Variants in WBP1L observed in about 807,000 individuals in gnomAD.
WBP1L encodes WW domain binding protein 1 like.
WBP1L carries 17 observed loss-of-function variants against 33.7 expected under a neutral mutation model. The observed-to-expected ratio is 0.50, with a 90% CI of 0.34 to 0.76. The LOEUF is 0.76. Ranked by LOEUF, WBP1L falls within the 30% of genes least tolerant of loss-of-function variation. The probability of loss-of-function intolerance (pLI) is 0.01; values close to 1 mark genes in which losing one functional copy is unlikely to be tolerated. For synonymous variants in WBP1L, 173 were observed against 190.8 expected (o/e 0.91, Z 0.77); for missense variants, 389 against 469.4 (o/e 0.83, Z 1.58).
chr10:102,798,189 C>G lies in WBP1L; in HGVS notation c.193+94C>G, dbSNP rs1047701228. On this transcript the variant is annotated intron_variant, in intron 2 of 3. Coordinates refer to ENST00000448841, the MANE Select transcript of WBP1L (RefSeq NM_001083913.2). ...TCTGGGCATTAGCCCTTTTCGGATTCTCTTGGGGACAGTGTTGGTGAGTGG... is the reference window on the plus strand; with the variant it reads ...TCTGGGCATTAGCCCTTTTCGGATTGTCTTGGGGACAGTGTTGGTGAGTGG... The G allele has an allele frequency of 3.8e-6, 4 of 1,056,034 alleles. No individual in the cohort carries two copies. The African/African-American group carries it at 6.3e-5, about 17-fold the overall frequency. The allele number at this position is 1,056,034 out of a possible 1,614,324, so 65.4% of individuals were successfully genotyped here.
intron 1 of WBP1L, among the ~76,000 whole-genome samples, chr10:102,764,560 G>A (rs369557405): frequency 1.6e-4 from 25 of 152,246 alleles, no homozygotes; most frequent in African/African-American, 4.8e-4. Flanking sequence ...AGGGTTCAGC[G>A]TCCCCTGCAT....
At chr10:102,776,097 C>T (rs1177857748) in intron 1 of WBP1L, 6 of 985,314 alleles carry the variant, frequency 6.1e-6, no homozygotes, top group Middle Eastern at 1.0e-3. Flanking sequence ...TTTTCTGCTG[C>T]GCCTGAACTG....
chr10:102,770,111 C>T (rs1187819649), intron 1 of WBP1L, among the ~76,000 whole-genome samples: 5 of 152,152 alleles, frequency 3.3e-5, no homozygotes, highest in African/African-American at 4.8e-5. Context: ...GGGATTTATC[C>T]CCTTGCATTC....
intron 1 of WBP1L, among the ~76,000 whole-genome samples, chr10:102,776,960 A>G (rs763482168): frequency 6.6e-6 from 1 of 151,976 alleles, no homozygotes; most frequent in East Asian, 1.9e-4. Context: ...AGGGGTGTGG[A>G]ATTGACCCCA....
At chr10:102,808,364 TA>T (rs572509456) in intron 2 of WBP1L, among the ~76,000 whole-genome samples, 1,722 of 151,002 alleles carry the variant, frequency 0.011, 27 homozygotes, top group African/African-American at 0.04. Context: ...CCTCATTAAT[TA>T]AAAAAAAAAT....
Position 102,758,884 on chromosome 10 carries a change from C to T in WBP1L, c.90+14741C>T, listed in dbSNP as rs769702152. Among the ~76,000 whole-genome samples the T allele has an allele frequency of 1.1e-4, 16 of 152,326 alleles. No individual in the cohort carries two copies. The South Asian group carries it at 2.3e-3, about 22-fold the overall frequency. ...CAGAGCAGAGAGAGAAGGCAGCATA[C>T]GTCAGCGTTTTCTTCTCTGCACTTA... On this transcript the variant is annotated intron_variant, in intron 1 of 3. Transcript: ENST00000448841.
chr10:102,746,021 C>A, intron 1 of WBP1L: 1 of 390,234 alleles, frequency 2.6e-6, no homozygotes, highest in African/African-American at 2.2e-5. Context: ...AAAGGCTGTC[C>A]CCAGTAACCA....
At chr10:102,770,047 G>C (rs370688321) in intron 1 of WBP1L, among the ~76,000 whole-genome samples, 8 of 152,342 alleles carry the variant, frequency 5.3e-5, no homozygotes, top group East Asian at 1.9e-4. Flanking sequence ...AGTGTTCTTG[G>C]TTTCTAGCAG....
Position 102,776,307 on chromosome 10 carries a change from C to T in WBP1L, c.91-21686C>T, listed in dbSNP as rs1843261167. 2.5e-6 allele frequency: 4 copies of T among 1,612,894 alleles called. No homozygotes were observed. In the South Asian group the frequency reaches 4.4e-5, roughly 18 times the overall value. On this transcript the variant is annotated intron_variant, in intron 1 of 3. Transcript: ENST00000448841. ...GAACCAGGACCACCGCACACACAGG[C>T]CCACCAGGGGCAATGCTCATTCCAA...
rs1458610933 is a variant in WBP1L, at chr10:102,814,177, G to A, written c.*846G>A. The A allele has an allele frequency of 1.3e-5, 2 of 152,242 alleles. No homozygotes were observed. Among genetic ancestry groups the A allele is most frequent in the African/African-American group, 2.4e-5 (1 of 41,456 alleles). The allele number at this position is 152,242 out of a possible 1,614,324, so 9.4% of individuals were successfully genotyped here. A position where few individuals can be genotyped will look rare whatever the true frequency, so the allele number is the denominator to read the frequency against. ...AAGTTGGCCTTCAAAGAGCCTGCCT[G>A]CTGTTGAGCCAGAAGATGTCTCGTG... On this transcript the variant is annotated 3_prime_UTR_variant, in exon 4 of 4. Coordinates refer to ENST00000448841, the MANE Select transcript of WBP1L (RefSeq NM_001083913.2).
At chr10:102,760,379 T>TC (rs1201532084) in intron 1 of WBP1L, among the ~76,000 whole-genome samples, 326 of 88,072 alleles carry the variant, frequency 3.7e-3, no homozygotes, top group Admixed American at 1.1e-3. Flanking sequence ...TTTCTTTCTT[T>TC]TTTTTTTTTT....
intron 1 of WBP1L, among the ~76,000 whole-genome samples, chr10:102,754,957 CT>C (rs1223853909): frequency 1.0e-4 from 15 of 145,390 alleles, no homozygotes; most frequent in East Asian, 4.0e-4. Context: ...TACCTTTCAC[CT>C]TTTTTTTTTG....
In WBP1L at chr10:102,815,105, A is replaced by G. The variant is rs1843913981; in HGVS notation, c.*1774A>G. 1 of 152,480 alleles carries G rather than the reference A, an allele frequency of 6.6e-6. No individual in the cohort carries two copies. The highest frequency in any genetic ancestry group is 1.5e-5 in the Non-Finnish European group (1 of 68,008). 9.4% of individuals were successfully genotyped at this position (152,480 alleles called of 1,614,324 possible). ...GGCAGCCATTCTCTCCACGTGAACC[A>G]CACGTCTGGAGCACAGACAGGCCTC... On this transcript the variant is annotated 3_prime_UTR_variant, in exon 4 of 4. Transcript: ENST00000448841.
Position 102,744,049 on chromosome 10 carries a change from G to A in WBP1L, c.-5G>A, listed in dbSNP as rs1415632739. 2 of 1,548,930 alleles carry A rather than the reference G, an allele frequency of 1.3e-6. No homozygotes were observed. Among genetic ancestry groups the A allele is most frequent in the Admixed American group, 2.0e-5 (1 of 50,868 alleles). ...CCGTGGCGGAGGAGCAGGAGCAGGA[G>A]GGGGATGGAGAGGAGAAGGCTCCTG... On this transcript the variant is annotated 5_prime_UTR_variant, in exon 1 of 4. Transcript: ENST00000448841.
At chr10:102,803,518 T>G (rs2134062930) in intron 2 of WBP1L, among the ~76,000 whole-genome samples, 1 of 152,278 alleles carries the variant, frequency 6.6e-6, no homozygotes, top group South Asian at 2.1e-4. Context: ...AAACTTGTCT[T>G]TGAGGAATGT....
intron 1 of WBP1L, among the ~76,000 whole-genome samples, chr10:102,796,523 C>G (rs1843575647): frequency 6.6e-6 from 1 of 152,174 alleles, no homozygotes; most frequent in Non-Finnish European, 1.5e-5. Context: ...AAGCATGGCC[C>G]AGAGAGGAGG....
intron 1 of WBP1L, among the ~76,000 whole-genome samples, chr10:102,745,266 GC>G (rs1294967443): frequency 6.6e-6 from 1 of 152,038 alleles, no homozygotes; most frequent in Non-Finnish European, 1.5e-5. Context: ...ATCTTGTTTT[GC>G]CCATTATCCT....
At chr10:102,803,747 T>C (rs11191399) in intron 2 of WBP1L, among the ~76,000 whole-genome samples, 7,396 of 152,072 alleles carry the variant, frequency 0.049, 254 homozygotes, top group Middle Eastern at 0.075. Context: ...TGGCTGGGAC[T>C]ATAGGTGCCT....
At chr10:102,776,278 C>T (rs896948777) in intron 1 of WBP1L, 35 of 1,607,468 alleles carry the variant, frequency 2.2e-5, no homozygotes, top group South Asian at 3.3e-5. Context: ...TAAAGAAGGC[C>T]GGTGAACCAG....
Sources: allele counts gnomAD v4.1 joint callset (sites outside exome capture counted in the v4.1 genomes callset), GRCh38; gene constraint gnomAD v4.1.1; transcripts MANE v1.5; gene names NCBI Gene and HGNC (gene_info 2026-07-23, HGNC 2026-07-21).